The following INTS9 variants were observed in gnomAD, a reference collection of about 807,000 sequenced individuals.
INTS9 encodes protein related to CPSF subunits of 74 kDa.
Under a neutral mutation model 79.7 loss-of-function variants are expected in INTS9, and 55 were observed. The ratio of observed to expected loss-of-function variants is 0.69; its 90% confidence interval spans 0.56 to 0.86. The LOEUF (loss-of-function observed/expected upper bound fraction) is 0.86. Ranked by LOEUF, INTS9 falls within the 40% of genes least tolerant of loss-of-function variation. INTS9 has a pLI of 0.00. For synonymous variants in INTS9, 319 were observed against 325.2 expected (o/e 0.98, Z 0.20); for missense variants, 721 against 831.5 (o/e 0.87, Z 1.64).
chr8:28,883,456 A>T (rs1285391640), intron 1 of INTS9, among the ~76,000 whole-genome samples: 6 of 152,246 alleles, frequency 3.9e-5, no homozygotes, highest in African/African-American at 1.2e-4. Context: ...GACAAATAGT[A>T]AAAGTAAAGA....
chr8:28,771,192 T>TAAAC (rs1443449147), intron 14 of INTS9, 112 bp from the exon 15 acceptor site: 2 of 893,528 alleles, frequency 2.2e-6, no homozygotes, highest in African/African-American at 1.7e-5. Flanking sequence ...ACTTTAAAGG[T>TAAAC]AAACAATTTT....
At chr8:28,788,925 T>C (rs1803769764) in intron 10 of INTS9, among the ~76,000 whole-genome samples, 1 of 152,254 alleles carries the variant, frequency 6.6e-6, no homozygotes, top group Non-Finnish European at 1.5e-5. Context: ...GTTGTGCAGG[T>C]TTGACATTTA....
At chr8:28,776,939 G>A (rs1000066271) in intron 13 of INTS9, among the ~76,000 whole-genome samples, 4 of 152,172 alleles carry the variant, frequency 2.6e-5, no homozygotes, top group Admixed American at 1.3e-4. Flanking sequence ...TTGGGGTAGC[G>A]AATCACTGTA....
chr8:28,775,805 G>A lies in INTS9; in HGVS notation c.1517C>T (p.Ala506Val). The change falls in exon 14 of 17, where the codon GCC becomes GTC. Residue 506 changes from alanine to valine, a missense_variant. Coordinates refer to ENST00000521022, the MANE Select transcript of INTS9 (RefSeq NM_018250.4). ...AMSYRRAEVL[A>V]LPFKRRYEKI... ...CTCGTACCGACGTTTGAAGGGCAGGGCGAGAACCTCAGCCCGCCGATAGGA... is the reference window on the plus strand; with the variant it reads ...CTCGTACCGACGTTTGAAGGGCAGGACGAGAACCTCAGCCCGCCGATAGGA... The A allele has an allele frequency of 1.2e-6, 2 of 1,613,884 alleles. No homozygotes were observed. Among genetic ancestry groups the A allele is most frequent in the Non-Finnish European group, 1.7e-6 (2 of 1,179,916 alleles).
chr8:28,778,508 C>T (rs1003548699), intron 12 of INTS9, among the ~76,000 whole-genome samples: 1 of 152,200 alleles, frequency 6.6e-6, no homozygotes, highest in African/African-American at 2.4e-5. Context: ...ACCCGGAAGA[C>T]AAGCGCACGG....
chr8:28,796,578 T>C lies in INTS9; in HGVS notation c.822A>G (p.Pro274=). The change falls in exon 9 of 17, where the codon CCA becomes CCG. Residue 274 remains proline, a synonymous_variant. Coordinates refer to ENST00000521022, the MANE Select transcript of INTS9 (RefSeq NM_018250.4). ...TGCAGAACTCTCCCACCATTCCATC[T>C]GGGTTTGCAGTGGGGATCTGGGTAA... ...TGLTQIPTAN[P]DGMVGEFCSN... is the part of the protein sequence containing the mutation. 1 of 1,613,766 alleles carries C rather than the reference T, an allele frequency of 6.2e-7. No individual in the cohort carries two copies. The highest frequency in any genetic ancestry group is 2.2e-5 in the East Asian group (1 of 44,886).
At chr8:28,777,415 C>G (rs201257895) in intron 13 of INTS9, among the ~76,000 whole-genome samples, 1 of 152,216 alleles carries the variant, frequency 6.6e-6, no homozygotes, top group African/African-American at 2.4e-5. Flanking sequence ...AACAAATGAC[C>G]AAAAACTGCC....
intron 1 of INTS9, among the ~76,000 whole-genome samples, chr8:28,881,431 G>A (rs1809791894): frequency 1.4e-4 from 21 of 149,934 alleles, no homozygotes; most frequent in South Asian, 4.2e-4. Flanking sequence ...GGGAGGTGGG[G>A]GGGTCAGCCC....
chr8:28,830,655 T>C (rs546390056), intron 6 of INTS9, among the ~76,000 whole-genome samples: 1 of 151,500 alleles, frequency 6.6e-6, no homozygotes, highest in East Asian at 1.9e-4. Flanking sequence ...AAAAAAGCTC[T>C]TCAAATTCTT....
At chr8:28,814,612 C>G (rs961146377) in intron 6 of INTS9, among the ~76,000 whole-genome samples, 1 of 152,184 alleles carries the variant, frequency 6.6e-6, no homozygotes, top group Non-Finnish European at 1.5e-5. Context: ...TATAGCTCAG[C>G]AGATGTCCCT....
chr8:28,880,352 C>T (rs1809650663), intron 1 of INTS9, among the ~76,000 whole-genome samples: 1 of 151,876 alleles, frequency 6.6e-6, no homozygotes, highest in Non-Finnish European at 1.5e-5. Flanking sequence ...TCACTGCAAC[C>T]TCCCTGCCTG....
chr8:28,844,831 C>A (rs537699662), intron 4 of INTS9, among the ~76,000 whole-genome samples: 33 of 152,140 alleles, frequency 2.2e-4, no homozygotes, highest in African/African-American at 8.0e-4. Context: ...AAAAATTTTT[C>A]TTTTTATAAT....
At chr8:28,875,675 C>T (rs1167506104) in intron 1 of INTS9, among the ~76,000 whole-genome samples, 2 of 151,418 alleles carry the variant, frequency 1.3e-5, no homozygotes, top group Non-Finnish European at 2.9e-5. Flanking sequence ...ATAAGATTAA[C>T]CTTCTATAAT....
At chr8:28,837,150 C>G (rs745354617) in intron 5 of INTS9, among the ~76,000 whole-genome samples, 10 of 152,196 alleles carry the variant, frequency 6.6e-5, no homozygotes, top group Non-Finnish European at 1.2e-4. Flanking sequence ...CAGTTTCACT[C>G]TGTCAACAGC....
chr8:28,814,382 T>C (rs902605126), intron 6 of INTS9, among the ~76,000 whole-genome samples: 1 of 147,982 alleles, frequency 6.8e-6, no homozygotes, highest in Non-Finnish European at 1.5e-5. Context: ...GAAGAGACAA[T>C]AGCAAGGCAT....
At position 28,767,834 on chromosome 8, in the gene INTS9, C is replaced by T; in HGVS notation, c.*312G>A. On this transcript the variant is annotated 3_prime_UTR_variant, in exon 17 of 17. Transcript: ENST00000521022. ...GAGGCCTGGGACTGATGCAAGACAG[C>T]CAGCCAGTCACCTCCGCCTCCCATG... The T allele has an allele frequency of 2.7e-6, 1 of 364,042 alleles. No individual in the cohort carries two copies. The highest frequency in any genetic ancestry group is 2.7e-5 in the South Asian group (1 of 37,638). The allele number at this position is 364,042 out of a possible 1,614,324, so 22.6% of individuals were successfully genotyped here.
chr8:28,816,425 T>C (rs1192714250), intron 6 of INTS9, among the ~76,000 whole-genome samples: 4 of 151,606 alleles, frequency 2.6e-5, no homozygotes, highest in Admixed American at 1.3e-4. Flanking sequence ...GTTCTTGCGA[T>C]AGTTTACTGT....
At chr8:28,771,670 TAAG>T (rs1802547567) in intron 14 of INTS9, among the ~76,000 whole-genome samples, 2 of 152,220 alleles carry the variant, frequency 1.3e-5, no homozygotes, top group South Asian at 4.1e-4. Context: ...TTTCATGAAA[TAAG>T]AAAACGGCCT....
chr8:28,768,172 C>T lies in INTS9; in HGVS notation c.1951G>A (p.Val651Ile). The T allele has an allele frequency of 6.2e-7, 1 of 1,614,184 alleles. No homozygotes were observed. Among genetic ancestry groups the T allele is most frequent in the Non-Finnish European group, 8.5e-7 (1 of 1,180,050 alleles). Residue 651 changes from valine to isoleucine, a missense_variant, in exon 17 of 17, where the codon GTC becomes ATC. Val to Ile is a conservative substitution (Grantham distance 29). This residue lies in a region of INTS9 where 281 missense variants were observed against 300.8 expected (regional missense o/e 0.93). Coordinates refer to ENST00000521022, the MANE Select transcript of INTS9 (RefSeq NM_018250.4). Reference protein sequence around the residue: ...EMLRVRLRDLVLKFLQKF With the variant: ...EMLRVRLRDLILKFLQKF ...CAGAACTTCTGTAAGAATTTGAGGA[C>T]AAGGTCCCGCAGTCGCACTCTGAGC...
Sources: allele counts gnomAD v4.1 joint callset (sites outside exome capture counted in the v4.1 genomes callset), GRCh38; gene constraint gnomAD v4.1.1; regional missense constraint gnomAD v4.1.1; transcripts MANE v1.5; gene names NCBI Gene and HGNC (gene_info 2026-07-23, HGNC 2026-07-21).